Variants in TTC17 observed in about 807,000 individuals in gnomAD.
TTC17 encodes the protein tetratricopeptide repeat domain 17.
Under a neutral mutation model 143.8 loss-of-function variants are expected in TTC17, and 58 were observed. That is an observed-to-expected ratio of 0.40 (90% CI 0.33 to 0.50). The LOEUF is 0.50. Among genes scored for constraint, TTC17 ranks in the 20% least tolerant of loss-of-function variants. The pLI is 0.49. For missense variants in TTC17, 1,273 were observed against 1,392.5 expected (o/e 0.91, Z 1.37); for synonymous variants, 501 against 497.8 (o/e 1.01, Z -0.09).
Position 43,389,771 on chromosome 11 carries a change from C to T in TTC17, c.369C>T (p.Asp123=), listed in dbSNP as rs780474586. 63 of 1,613,654 alleles carry T rather than the reference C, an allele frequency of 3.9e-5. No individual in the cohort carries two copies. The highest frequency in any genetic ancestry group is 6.7e-5 in the Admixed American group (4 of 59,950). ...TCAAAGCCAAGGTGCCCTTAGGGGACCTGGATCTATATGATGGCACATACA... is the reference window on the plus strand; with the variant it reads ...TCAAAGCCAAGGTGCCCTTAGGGGATCTGGATCTATATGATGGCACATACA... ...DCIKAKVPLG[D]LDLYDGTYIT... Residue 123 remains aspartate (D), a synonymous_variant, in exon 3 of 24, where the codon GAC becomes GAT. Transcript: ENST00000039989.
Position 43,398,249 on chromosome 11 carries a change from T to G in TTC17, c.1058+136T>G, listed in dbSNP as rs1857702701. ...CTTCACTACTGCAAGTCCTATCCTT[T>G]TTCTGTAAGTCCTGGTGGTTTAGCA... On this transcript the variant is annotated intron_variant, in intron 8 of 23. Transcript: ENST00000039989. 4 of 1,096,220 alleles carry G rather than the reference T, an allele frequency of 3.6e-6. No homozygotes were observed. In the South Asian group the frequency reaches 7.3e-5, roughly 20 times the overall value. The allele number at this position is 1,096,220 out of a possible 1,614,324, so 67.9% of individuals were successfully genotyped here.
rs769994730 is a variant in TTC17, at chr11:43,359,074, G to C, written c.120G>C (p.Thr40=). ...SVAARGAFAT[T]HWVVTEDGKI... is the part of the protein sequence containing the mutation. Reference sequence around the variant, plus strand: ...CGGCACGAGGGGCCTTCGCCACCACGCACTGGGTCGTCACGGAGGACGGGA... The same window carrying C: ...CGGCACGAGGGGCCTTCGCCACCACCCACTGGGTCGTCACGGAGGACGGGA... Residue 40 remains threonine (T), a synonymous_variant, in exon 1 of 24, where the codon ACG becomes ACC. Transcript: ENST00000039989. The C allele has an allele frequency of 1.3e-6, 2 of 1,589,860 alleles. No individual in the cohort carries two copies. The highest frequency in any genetic ancestry group is 4.8e-5 in the East Asian group (2 of 41,862).
chr11:43,397,678 AC>A (rs140824904), intron 7 of TTC17, among the ~76,000 whole-genome samples, 187 bp downstream of exon 7: 4,055 of 152,184 alleles, frequency 0.027, 75 homozygotes, highest in Non-Finnish European at 0.043. Context: ...TGCCAAAAAA[AC>A]AATAATAATA....
chr11:43,408,123 A>C (rs1858229882), intron 15 of TTC17, among the ~76,000 whole-genome samples: 1 of 152,158 alleles, frequency 6.6e-6, no homozygotes, highest in South Asian at 2.1e-4. Flanking sequence ...TTCATATTTT[A>C]ACATCTCTGA....
intron 6 of TTC17, 171 bp from the exon 7 acceptor site, chr11:43,397,176 A>AAAATTTGT (rs1857628123): frequency 1.5e-6 from 1 of 679,748 alleles, no homozygotes; most frequent in Non-Finnish European, 2.3e-6. Flanking sequence ...TTTTAGTGAC[A>AAAATTTGT]AAATTTGTAG....
chr11:43,438,214 A>G (rs541559044), intron 16 of TTC17, among the ~76,000 whole-genome samples: 1 of 152,246 alleles, frequency 6.6e-6, no homozygotes, highest in Admixed American at 6.5e-5. Flanking sequence ...CTGGAGTGCA[A>G]TGGCACGATC....
chr11:43,383,172 T>C (rs1466993620), intron 2 of TTC17, among the ~76,000 whole-genome samples: 1 of 151,916 alleles, frequency 6.6e-6, no homozygotes, highest in East Asian at 1.9e-4. Flanking sequence ...GCTGGGATTA[T>C]AGGCATGAGC....
intron 19 of TTC17, chr11:43,449,412 C>T (rs1947614239): frequency 6.6e-6 from 1 of 151,556 alleles, no homozygotes; most frequent in Non-Finnish European, 1.5e-5. Flanking sequence ...TAGCTACCCT[C>T]CTCCACCAGT....
chr11:43,491,854 AC>A, intron 22 of TTC17, 165 bp from the exon 23 acceptor site: 1 of 734,404 alleles, frequency 1.4e-6, no homozygotes. Context: ...TGGTACAAGC[AC>A]CTTATCTATC....
At chr11:43,446,799 T>C in intron 18 of TTC17, 1 of 526,488 alleles carries the variant, frequency 1.9e-6, no homozygotes, top group Non-Finnish European at 2.4e-6. Context: ...GCTCTTTTCT[T>C]GGGGATTTGA....
intron 16 of TTC17, among the ~76,000 whole-genome samples, chr11:43,441,112 T>A (rs7130286): frequency 1.7e-5 from 2 of 120,512 alleles, no homozygotes; most frequent in African/African-American, 1.3e-4. Flanking sequence ...TCTACAAAAA[T>A]ACAAAAAAAG....
chr11:43,470,805 T>TTA (rs1477040273), intron 21 of TTC17, among the ~76,000 whole-genome samples: 1 of 152,172 alleles, frequency 6.6e-6, no homozygotes, highest in African/African-American at 2.4e-5. Flanking sequence ...ACATATCTAA[T>TTA]AAGTTCCCAG....
At chr11:43,471,443 C>T (rs1453204511) in intron 21 of TTC17, among the ~76,000 whole-genome samples, 1 of 152,238 alleles carries the variant, frequency 6.6e-6, no homozygotes, top group Non-Finnish European at 1.5e-5. Flanking sequence ...CACCCCCAGC[C>T]CGTCATCAAT....
intron 16 of TTC17, among the ~76,000 whole-genome samples, chr11:43,441,267 C>T (rs11603344): frequency 0.18 from 26,844 of 149,920 alleles, 2,970 homozygotes; most frequent in Non-Finnish European, 0.24. Flanking sequence ...CAGAACAAGA[C>T]TCTATCTCAA....
intron 16 of TTC17, among the ~76,000 whole-genome samples, chr11:43,422,632 G>T (rs1368790825): frequency 6.6e-6 from 1 of 152,142 alleles, no homozygotes; most frequent in Non-Finnish European, 1.5e-5. Flanking sequence ...GCCAAGTGAA[G>T]AAAATGTTTT....
intron 8 of TTC17, among the ~76,000 whole-genome samples, chr11:43,399,438 G>A (rs1485942107): frequency 1.3e-5 from 2 of 152,186 alleles, no homozygotes; most frequent in Admixed American, 1.3e-4. Context: ...ACTGAGGCAG[G>A]GTGGAGGGGA....
At chr11:43,375,674 A>G (rs1302171844) in intron 1 of TTC17, among the ~76,000 whole-genome samples, 1 of 150,938 alleles carries the variant, frequency 6.6e-6, no homozygotes, top group East Asian at 2.1e-4. Flanking sequence ...AGTGTTCAGT[A>G]TATATGAAGA....
chr11:43,463,007 C>A (rs1014390402), intron 21 of TTC17, among the ~76,000 whole-genome samples: 1 of 149,832 alleles, frequency 6.7e-6, no homozygotes, highest in Non-Finnish European at 1.5e-5. Context: ...CCTCTGCCTC[C>A]CAGGTTCAAG....
intron 8 of TTC17, 132 bp downstream of exon 8, chr11:43,398,245 C>A: frequency 8.7e-7 from 1 of 1,145,820 alleles, no homozygotes; most frequent in Non-Finnish European, 1.2e-6. Flanking sequence ...CAAGTCCTAT[C>A]CTTTTTCTGT....
Sources: gnomAD v4.1 joint callset for allele counts (sites outside exome capture counted in the v4.1 genomes callset) on GRCh38, gnomAD v4.1.1 for gene constraint, MANE v1.5 for transcripts, NCBI Gene and HGNC (gene_info 2026-07-23, HGNC 2026-07-21) for gene names.